Variants in PM20D2 observed in about 807,000 individuals in gnomAD.
The protein encoded by PM20D2 is xaa-Arg dipeptidase.
A neutral mutation model predicts 42.9 loss-of-function variants in PM20D2; 33 were observed. The observed-to-expected ratio is 0.77, with a 90% CI of 0.58 to 1.03. PM20D2 has a LOEUF of 1.03. Among genes scored for constraint, PM20D2 ranks in the 50% least tolerant of loss-of-function variants. PM20D2 has a pLI of 0.00. For missense variants in PM20D2, 548 were observed against 557.0 expected (o/e 0.98, Z 0.16); for synonymous variants, 250 against 228.2 (o/e 1.10, Z -0.86).
chr6:89,113,553 C>T, the PM20D2 span, among the ~76,000 whole-genome samples: 3 of 152,162 alleles, frequency 2.0e-5, no homozygotes, highest in Admixed American at 1.3e-4. Context: ...AAGTGATCCA[C>T]GTGCCTCGGC....
chr6:89,149,437 A>T, intron 2 of PM20D2, 24 bp downstream of exon 2: 1 of 1,610,948 alleles, frequency 6.2e-7, no homozygotes, highest in Non-Finnish European at 8.5e-7. Flanking sequence ...TTGAAGATAA[A>T]CTTCTTAGGG....
intron 2 of PM20D2, among the ~76,000 whole-genome samples, chr6:89,151,156 A>AAAT (rs1381372206): frequency 1.3e-5 from 2 of 150,992 alleles, no homozygotes; most frequent in African/African-American, 4.9e-5. Flanking sequence ...TCCATCTCAA[A>AAAT]AAAAAAGAAA....
chr6:89,151,365 A>G (rs9294423), intron 2 of PM20D2, among the ~76,000 whole-genome samples: 54,803 of 151,544 alleles, frequency 0.36, 10,868 homozygotes, highest in African/African-American at 0.53. Context: ...ATGGACCTGG[A>G]ATTACAGGCA....
At chr6:89,112,162 C>T in the PM20D2 span, among the ~76,000 whole-genome samples, 54 of 152,188 alleles carry the variant, frequency 3.5e-4, no homozygotes, top group South Asian at 0.01. Context: ...GTGAACCGCC[C>T]GCCTCGGCCT....
chr6:89,105,287 A>C, the PM20D2 span: 1 of 1,588,630 alleles, frequency 6.3e-7, no homozygotes, highest in Admixed American at 1.7e-5. Flanking sequence ...AAGACTTATG[A>C]CATAATTCGT....
chr6:89,115,386 G>A, the PM20D2 span, among the ~76,000 whole-genome samples: 3 of 151,848 alleles, frequency 2.0e-5, no homozygotes, highest in African/African-American at 4.8e-5. Context: ...GGGTTCAAGC[G>A]ATTCTCGTGC....
At chr6:89,097,128 T>G in the PM20D2 span, 1 of 152,196 alleles carries the variant, frequency 6.6e-6, no homozygotes, top group Non-Finnish European at 1.5e-5. Context: ...AACTGGAATT[T>G]GTATTCAAAA....
intron 2 of PM20D2, among the ~76,000 whole-genome samples, chr6:89,150,931 A>G (rs143054153): frequency 0.063 from 9,504 of 151,702 alleles, 871 homozygotes; most frequent in African/African-American, 0.2. Flanking sequence ...AGGCAGGTGG[A>G]TCACCTGAGG....
chr6:89,133,770 A>G, the PM20D2 span, among the ~76,000 whole-genome samples: 7 of 151,290 alleles, frequency 4.6e-5, no homozygotes, highest in African/African-American at 1.7e-4. Context: ...GGACTCATGA[A>G]GAAACCTTGA....
the PM20D2 span, among the ~76,000 whole-genome samples, chr6:89,133,715 T>C: frequency 6.6e-6 from 1 of 151,134 alleles, no homozygotes; most frequent in Non-Finnish European, 1.5e-5. Context: ...TTCTTCCTAC[T>C]GCCTGAAATG....
In PM20D2 at chr6:89,146,168, C is replaced by G; in HGVS notation, c.24C>G (p.Pro8=). The G allele has an allele frequency of 3.3e-6, 5 of 1,518,234 alleles. No individual in the cohort carries two copies. The highest frequency in any genetic ancestry group is 4.4e-6 in the Non-Finnish European group (5 of 1,140,312). 94.0% of individuals were successfully genotyped at this position (1,518,234 alleles called of 1,614,324 possible). ...GCATGAGGCCCGGAGGGGAGCGGCC[C>G]GTGGAAGGGGGCGCGTGCAATGGCC... MRPGGER[P]VEGGACNGRS... The change falls in exon 1 of 7, where the codon CCC becomes CCG. Residue 8 remains proline, a synonymous_variant. Coordinates refer to ENST00000275072, the MANE Select transcript of PM20D2 (RefSeq NM_001010853.3).
chr6:89,147,779 G>A (rs1383337143), intron 1 of PM20D2, among the ~76,000 whole-genome samples: 5 of 150,476 alleles, frequency 3.3e-5, no homozygotes, highest in African/African-American at 1.2e-4. Context: ...TGTAATCCCA[G>A]CTACTCGGGA....
chr6:89,165,193 A>C lies in PM20D2; in HGVS notation c.*2930A>C, dbSNP rs1771379710. The C allele has an allele frequency of 6.6e-6, 1 of 152,054 alleles. No individual in the cohort carries two copies. The highest frequency in any genetic ancestry group is 2.4e-5 in the African/African-American group (1 of 41,430). 9.4% of individuals were successfully genotyped at this position (152,054 alleles called of 1,614,324 possible). A position where few individuals can be genotyped will look rare whatever the true frequency, so the allele number is the denominator to read the frequency against. On this transcript the variant is annotated 3_prime_UTR_variant, in exon 7 of 7. Transcript: ENST00000275072. ...ATTTTGTAATATGTTGTTTTTTAAA[A>C]ACCTGTCTGATGGTGTTTTATACAT...
chr6:89,139,043 A>G, the PM20D2 span, among the ~76,000 whole-genome samples: 48 of 152,248 alleles, frequency 3.2e-4, 1 homozygote, highest in African/African-American at 1.1e-3. Flanking sequence ...AAAACTTAAT[A>G]TTAGAGCAAA....
At chr6:89,111,367 C>T in the PM20D2 span, among the ~76,000 whole-genome samples, 1 of 152,176 alleles carries the variant, frequency 6.6e-6, no homozygotes, top group South Asian at 2.1e-4. Context: ...AGGTTCTGCA[C>T]ATTTTTTGTT....
At chr6:89,133,747 C>G in the PM20D2 span, among the ~76,000 whole-genome samples, 3 of 151,076 alleles carry the variant, frequency 2.0e-5, no homozygotes, top group African/African-American at 7.4e-5. Flanking sequence ...GCTGGAATGC[C>G]AGCAGTTATC....
chr6:89,112,084 T>C, the PM20D2 span, among the ~76,000 whole-genome samples: 1 of 152,008 alleles, frequency 6.6e-6, no homozygotes, highest in Non-Finnish European at 1.5e-5. Flanking sequence ...CTCGGCTCAC[T>C]GCAACCTCCT....
the PM20D2 span, among the ~76,000 whole-genome samples, chr6:89,127,454 C>G: frequency 6.6e-6 from 1 of 151,990 alleles, no homozygotes; most frequent in Non-Finnish European, 1.5e-5. Context: ...CTCAGCCTCC[C>G]GAATAGCTTG....
chr6:89,117,692 G>C, the PM20D2 span: 2 of 894,732 alleles, frequency 2.2e-6, no homozygotes, highest in South Asian at 2.4e-5. Flanking sequence ...TCCCCAAGTG[G>C]CGCAGCCTGG....
Sources: gnomAD v4.1 joint callset for allele counts (sites outside exome capture counted in the v4.1 genomes callset) on GRCh38, gnomAD v4.1.1 for gene constraint, MANE v1.5 for transcripts, NCBI Gene and HGNC (gene_info 2026-07-23, HGNC 2026-07-21) for gene names.